REDIC1: variants seen among roughly 807,000 people sequenced by gnomAD.
REDIC1 encodes the protein HEI10 Interacting Protein 1.
chr12:39,720,692 A>G, the REDIC1 span: 45 of 958,804 alleles, frequency 4.7e-5, no homozygotes, highest in Non-Finnish European at 5.2e-5. Flanking sequence ...GAAATTTTCT[A>G]TAGTTGGGAT....
At chr12:39,753,033 T>C in the REDIC1 span, among the ~76,000 whole-genome samples, 1 of 152,206 alleles carries the variant, frequency 6.6e-6, no homozygotes, top group Non-Finnish European at 1.5e-5. Context: ...ATGCCAATGC[T>C]ACTAGTCTGA....
the REDIC1 span, among the ~76,000 whole-genome samples, chr12:39,839,868 T>G: frequency 2.6e-5 from 4 of 152,102 alleles, no homozygotes; most frequent in Admixed American, 2.6e-4. Context: ...CTCAACAACC[T>G]AAAGCTCAAT....
the REDIC1 span, among the ~76,000 whole-genome samples, chr12:39,768,719 A>G: frequency 6.6e-6 from 1 of 152,116 alleles, no homozygotes; most frequent in Non-Finnish European, 1.5e-5. Flanking sequence ...TACAATAGTA[A>G]CATTAAAGAT....
the REDIC1 span, among the ~76,000 whole-genome samples, chr12:39,898,390 G>C: frequency 2.0e-5 from 3 of 152,150 alleles, no homozygotes; most frequent in Non-Finnish European, 4.4e-5. Context: ...CAAATCTCAT[G>C]CTAGAAAATC....
At chr12:39,677,254 T>C in the REDIC1 span, among the ~76,000 whole-genome samples, 22 of 152,068 alleles carry the variant, frequency 1.4e-4, no homozygotes, top group African/African-American at 5.3e-4. Flanking sequence ...GAAAAAGATA[T>C]TCCATGCAAA....
the REDIC1 span, among the ~76,000 whole-genome samples, chr12:39,881,698 A>C: frequency 6.6e-6 from 1 of 152,146 alleles, no homozygotes. Context: ...TAACCTTCTT[A>C]CACCTTGGAT....
At chr12:39,717,595 G>A in the REDIC1 span, among the ~76,000 whole-genome samples, 9 of 151,976 alleles carry the variant, frequency 5.9e-5, no homozygotes, top group Admixed American at 5.9e-4. Flanking sequence ...GGGCAGGAGA[G>A]GCAGGCACAC....
chr12:39,872,914 T>A, the REDIC1 span, among the ~76,000 whole-genome samples: 2 of 152,226 alleles, frequency 1.3e-5, no homozygotes, highest in African/African-American at 2.4e-5. Flanking sequence ...ACAGTGGTCA[T>A]CCAAGCAATA....
chr12:39,892,960 T>C, the REDIC1 span, among the ~76,000 whole-genome samples: 12 of 152,204 alleles, frequency 7.9e-5, no homozygotes, highest in Non-Finnish European at 1.5e-4. Context: ...TATCAAACCA[T>C]ATAATCAGAA....
chr12:39,857,517 G>C, the REDIC1 span, among the ~76,000 whole-genome samples: 1 of 152,140 alleles, frequency 6.6e-6, no homozygotes, highest in Non-Finnish European at 1.5e-5. Context: ...TCAAGGTTGC[G>C]TTATTTCTTG....
chr12:39,737,448 G>A, the REDIC1 span, among the ~76,000 whole-genome samples: 24 of 152,214 alleles, frequency 1.6e-4, no homozygotes, highest in African/African-American at 5.3e-4. Context: ...TTATAAGGTC[G>A]AGAGCCACTG....
the REDIC1 span, among the ~76,000 whole-genome samples, chr12:39,888,843 T>G: frequency 2.6e-5 from 4 of 152,212 alleles, no homozygotes; most frequent in African/African-American, 9.6e-5. Context: ...TTGTGACACA[T>G]ACTACTATGA....
the REDIC1 span, chr12:39,646,704 G>A: frequency 1.7e-6 from 1 of 578,792 alleles, no homozygotes; most frequent in South Asian, 3.5e-5. Flanking sequence ...ATAAAACTTA[G>A]TAATATTATG....
chr12:39,735,644 G>A, the REDIC1 span, among the ~76,000 whole-genome samples: 1 of 152,168 alleles, frequency 6.6e-6, no homozygotes, highest in Non-Finnish European at 1.5e-5. Context: ...CAAATTTAGG[G>A]CACTGTCAGG....
At chr12:39,712,407 C>T in the REDIC1 span, among the ~76,000 whole-genome samples, 3 of 126,528 alleles carry the variant, frequency 2.4e-5, no homozygotes, top group South Asian at 2.5e-4. Flanking sequence ...TGTATATATA[C>T]ATACGTATAT....
the REDIC1 span, among the ~76,000 whole-genome samples, chr12:39,703,783 A>G: frequency 6.6e-6 from 1 of 152,198 alleles, no homozygotes; most frequent in South Asian, 2.1e-4. Flanking sequence ...CCACATATCT[A>G]CAACTATCTG....
the REDIC1 span, among the ~76,000 whole-genome samples, chr12:39,663,675 T>A: frequency 1.3e-5 from 2 of 152,116 alleles, no homozygotes; most frequent in East Asian, 1.9e-4. Context: ...CTATATATAT[T>A]AATGGTTTGA....
chr12:39,813,417 C>T, the REDIC1 span, among the ~76,000 whole-genome samples: 5 of 152,090 alleles, frequency 3.3e-5, no homozygotes, highest in African/African-American at 1.2e-4. Context: ...AATGACATTT[C>T]ATCTAAATTG....
At chr12:39,649,959 T>C in the REDIC1 span, among the ~76,000 whole-genome samples, 16 of 152,146 alleles carry the variant, frequency 1.1e-4, no homozygotes, top group African/African-American at 3.9e-4. Flanking sequence ...GGGTGTTTTT[T>C]TGTTTTTTTA....
Sources: allele counts gnomAD v4.1 joint callset (sites outside exome capture counted in the v4.1 genomes callset), GRCh38; gene constraint gnomAD v4.1.1; transcripts MANE v1.5; gene names NCBI Gene and HGNC (gene_info 2026-07-23, HGNC 2026-07-21).